Variants in KLF15 observed in about 807,000 individuals in gnomAD.
The protein encoded by KLF15 is Krueppel-like factor 15.
A neutral mutation model predicts 24.6 loss-of-function variants in KLF15; 4 were observed. The observed-to-expected ratio is 0.16, with a 90% CI of 0.08 to 0.37. The LOEUF (loss-of-function observed/expected upper bound fraction) is 0.37. Among genes scored for constraint, KLF15 ranks in the 10% least tolerant of loss-of-function variants. The pLI is 1.00. For synonymous variants in KLF15, 246 were observed against 236.3 expected (o/e 1.04, Z -0.37); for missense variants, 496 against 560.6 (o/e 0.88, Z 1.16).
chr3:126,352,229 A>G lies in KLF15; in HGVS notation c.694T>C (p.Ser232Pro), dbSNP rs1426629871. 6.5e-7 allele frequency: 1 copy of G among 1,537,204 alleles called. No individual in the cohort carries two copies. The part of the protein sequence containing the change: ...QIQPVPVKQE[S>P]GTGPASPGQA... ...CCAGGGGAGGCAGGCCCTGTGCCCG[A>G]TTCCTGCTTCACAGGCACGGGCTGG... is the stretch of plus-strand genomic sequence containing the variant. Residue 232 changes from serine to proline, a missense_variant, in exon 2 of 3, where the codon TCG becomes CCG. Coordinates refer to ENST00000296233, the MANE Select transcript of KLF15 (RefSeq NM_014079.4).
chr3:126,319,714 A>T, the KLF15 span, among the ~76,000 whole-genome samples: 1 of 152,182 alleles, frequency 6.6e-6, no homozygotes, highest in East Asian at 1.9e-4. Flanking sequence ...CACTACGGGC[A>T]TATCAAGGCT....
At chr3:126,297,381 G>A in the KLF15 span, among the ~76,000 whole-genome samples, 1 of 151,996 alleles carries the variant, frequency 6.6e-6, no homozygotes, top group Admixed American at 6.5e-5. Flanking sequence ...CCCCACTATT[G>A]TAAAATATTG....
the KLF15 span, among the ~76,000 whole-genome samples, chr3:126,306,970 G>A: frequency 0.13 from 19,182 of 152,132 alleles, 1,377 homozygotes; most frequent in Admixed American, 0.22. Context: ...CAATTGCCAC[G>A]TCCTTGAGTT....
chr3:126,342,122 T>C (rs571589911), downstream of KLF15, among the ~76,000 whole-genome samples: 18 of 152,320 alleles, frequency 1.2e-4, no homozygotes, highest in African/African-American at 2.9e-4. Context: ...CTGCATATAC[T>C]GGCCTCTCCG....
At chr3:126,316,635 G>C in the KLF15 span, among the ~76,000 whole-genome samples, 1 of 150,974 alleles carries the variant, frequency 6.6e-6, no homozygotes, top group East Asian at 2.0e-4. Flanking sequence ...GGGGCTGGGA[G>C]TGCATGGGCC....
chr3:126,333,455 C>A, the KLF15 span, among the ~76,000 whole-genome samples: 1 of 147,888 alleles, frequency 6.8e-6, no homozygotes, highest in African/African-American at 2.5e-5. Flanking sequence ...CAGTACCAGC[C>A]GCTGCAAAAT....
chr3:126,321,588 C>T, the KLF15 span, among the ~76,000 whole-genome samples: 1 of 152,248 alleles, frequency 6.6e-6, no homozygotes, highest in African/African-American at 2.4e-5. Context: ...CCCCATGCCC[C>T]TCATGACCTC....
chr3:126,296,429 T>A, the KLF15 span, among the ~76,000 whole-genome samples: 1 of 152,222 alleles, frequency 6.6e-6, no homozygotes, highest in Admixed American at 6.5e-5. Flanking sequence ...GGATGGTCTT[T>A]ATCTCCTGAC....
At chr3:126,350,146 C>G (rs1285757223) in intron 2 of KLF15, among the ~76,000 whole-genome samples, 1 of 152,218 alleles carries the variant, frequency 6.6e-6, no homozygotes, top group Non-Finnish European at 1.5e-5. Flanking sequence ...TGTGCCCTCG[C>G]CTTCTCTGCA....
chr3:126,315,795 C>T, the KLF15 span, among the ~76,000 whole-genome samples: 1 of 152,188 alleles, frequency 6.6e-6, no homozygotes, highest in Non-Finnish European at 1.5e-5. Context: ...AAATTCCTCT[C>T]CTGCACCTCC....
chr3:126,322,345 C>G, the KLF15 span, among the ~76,000 whole-genome samples: 2 of 152,202 alleles, frequency 1.3e-5, no homozygotes, highest in Non-Finnish European at 2.9e-5. Flanking sequence ...AACTCCGTCT[C>G]CTGTGCTTCC....
chr3:126,355,226 C>A (rs2082619999), intron 1 of KLF15, among the ~76,000 whole-genome samples: 1 of 152,226 alleles, frequency 6.6e-6, no homozygotes. Flanking sequence ...GGAGGCCTTA[C>A]CTTTTAAACA....
the KLF15 span, among the ~76,000 whole-genome samples, chr3:126,336,868 A>C: frequency 2.1e-5 from 1 of 47,074 alleles, no homozygotes; most frequent in Non-Finnish European, 3.8e-5. Flanking sequence ...AATCAAAACC[A>C]CTATGAGATA....
Position 126,349,688 on chromosome 3 carries a change from C to T in KLF15, c.1082+2153G>A, listed in dbSNP as rs1463789574. Among the ~76,000 whole-genome samples the T allele has an allele frequency of 3.3e-5, 5 of 152,320 alleles. No individual in the cohort carries two copies. In the East Asian group the frequency reaches 5.8e-4, roughly 18 times the overall value. ...CTCCCCATCACCCTACCCAGCCTCACGGCATCTAGAGGAGCTACTTGCCAA... is the reference window on the plus strand; with the variant it reads ...CTCCCCATCACCCTACCCAGCCTCATGGCATCTAGAGGAGCTACTTGCCAA... On this transcript the variant is annotated intron_variant, in intron 2 of 2. Transcript: ENST00000296233.
the KLF15 span, among the ~76,000 whole-genome samples, chr3:126,316,849 C>T: frequency 9.9e-5 from 15 of 152,080 alleles, no homozygotes; most frequent in Non-Finnish European, 1.5e-4. Flanking sequence ...CCTGGGGCAG[C>T]AGGGGCTGAG....
chr3:126,295,838 T>C, the KLF15 span, among the ~76,000 whole-genome samples: 6 of 152,350 alleles, frequency 3.9e-5, no homozygotes, highest in African/African-American at 7.2e-5. Context: ...ATGTTGGTTA[T>C]GCTGACCTGT....
At chr3:126,348,358 C>T (rs764893013) in intron 2 of KLF15, among the ~76,000 whole-genome samples, 73 of 152,076 alleles carry the variant, frequency 4.8e-4, no homozygotes, top group Non-Finnish European at 8.5e-4. Flanking sequence ...CGATTGTGGT[C>T]GTTAGCTCTT....
chr3:126,305,040 G>C, the KLF15 span, among the ~76,000 whole-genome samples: 1 of 152,182 alleles, frequency 6.6e-6, no homozygotes, highest in African/African-American at 2.4e-5. Context: ...AACTTCCAGA[G>C]TGTGTTACAG....
At chr3:126,348,740 G>A (rs1319012833) in intron 2 of KLF15, among the ~76,000 whole-genome samples, 4 of 152,234 alleles carry the variant, frequency 2.6e-5, no homozygotes, top group African/African-American at 9.6e-5. Context: ...GCCACAGCAG[G>A]GAGGCCAGCG....
Sources: allele counts gnomAD v4.1 joint callset (sites outside exome capture counted in the v4.1 genomes callset), GRCh38; gene constraint gnomAD v4.1.1; transcripts MANE v1.5; gene names NCBI Gene and HGNC (gene_info 2026-07-23, HGNC 2026-07-21).